The following OGDHL variants were observed in gnomAD, a reference collection of about 807,000 sequenced individuals.
OGDHL encodes oxoglutarate dehydrogenase L, also known as 2-oxoglutarate dehydrogenase-like, mitochondrial.
OGDHL carries 79 observed loss-of-function variants against 109.6 expected under a neutral mutation model. That is an observed-to-expected ratio of 0.72 (90% CI 0.60 to 0.87). The LOEUF (loss-of-function observed/expected upper bound fraction) is 0.87. Ranked by LOEUF, OGDHL falls within the 40% of genes least tolerant of loss-of-function variation. The pLI, the probability that OGDHL is intolerant of heterozygous loss-of-function variation, is 0.00. For synonymous variants in OGDHL, 528 were observed against 537.2 expected, an observed-to-expected ratio of 0.98 and a Z score of 0.24; for missense variants, 1,275 against 1,362.2, an observed-to-expected ratio of 0.94 and a Z score of 1.01.
At position 49,751,827 on chromosome 10, in the gene OGDHL, C is replaced by T; in HGVS notation, c.749G>A (p.Arg250Lys). The change falls in exon 6 of 23, where the codon AGG becomes AAG. Residue 250 changes from arginine to lysine, a missense_variant and splice_region_variant. By Grantham distance (26) the Arg-to-Lys change is conservative. Coordinates refer to ENST00000374103, the MANE Select transcript of OGDHL (RefSeq NM_018245.3). ...TLLARLVRSMRFEDFLARKWS... is the reference protein window; with the variant it reads ...TLLARLVRSMKFEDFLARKWS... ...ACTTGGCCCTCCAGGTGGTGCCAAC[C>T]TCATGGAGCGCACTAGCCGGGCCAG... 6.2e-7 allele frequency: 1 copy of T among 1,613,402 alleles called. No homozygotes were observed.
chr10:49,752,289 G>A (rs376257321), intron 4 of OGDHL, 41 bp from the exon 5 acceptor site: 5 of 1,483,664 alleles, frequency 3.4e-6, no homozygotes, highest in Non-Finnish European at 4.7e-6. Context: ...CAGCAAAGTG[G>A]AGGGAGGGAG....
At chr10:49,755,456 G>A (rs945498427) in intron 3 of OGDHL, among the ~76,000 whole-genome samples, 2 of 152,214 alleles carry the variant, frequency 1.3e-5, no homozygotes, top group African/African-American at 4.8e-5. Flanking sequence ...GGGGGCTAAG[G>A]GGGAAATTGA....
At chr10:49,762,100 TC>T in intron 1 of OGDHL, 138 bp downstream of exon 1, 3 of 152,812 alleles carry the variant, frequency 2.0e-5, no homozygotes, top group Non-Finnish European at 4.3e-5. Context: ...CTCCTCCCCC[TC>T]CCCCCGGCGG....
chr10:49,739,970 G>T, intron 16 of OGDHL, 131 bp from the exon 17 acceptor site: 1 of 854,098 alleles, frequency 1.2e-6, no homozygotes, highest in Non-Finnish European at 1.8e-6. Context: ...ACGAACCCAG[G>T]GATTCCCTGG....
intron 15 of OGDHL, among the ~76,000 whole-genome samples, 182 bp from the exon 16 acceptor site, chr10:49,741,019 T>C (rs1841615409): frequency 6.6e-6 from 1 of 152,104 alleles, no homozygotes; most frequent in Non-Finnish European, 1.5e-5. Context: ...TGGTCCCTCC[T>C]GCAGCCTGTC....
chr10:49,757,011 G>A, intron 2 of OGDHL, 65 bp from the exon 3 acceptor site: 1 of 1,538,834 alleles, frequency 6.5e-7, no homozygotes, highest in Non-Finnish European at 8.8e-7. Context: ...GGTGGCCCAG[G>A]CTGGGGCCCC....
chr10:49,738,523 T>C (rs1314665096), intron 17 of OGDHL: 2 of 522,682 alleles, frequency 3.8e-6, no homozygotes, highest in African/African-American at 3.8e-5. Context: ...CACTGAGACG[T>C]GCTTTCTCTG....
At chr10:49,752,611 C>T (rs768713758) in intron 4 of OGDHL, 27 bp downstream of exon 4, 13 of 1,596,540 alleles carry the variant, frequency 8.1e-6, no homozygotes, top group Non-Finnish European at 6.0e-6. Context: ...ACAGCACTGC[C>T]ATGGCCGTCC....
At chr10:49,759,249 G>T (rs1241836588) in intron 1 of OGDHL, among the ~76,000 whole-genome samples, 1 of 151,940 alleles carries the variant, frequency 6.6e-6, no homozygotes, top group African/African-American at 2.4e-5. Flanking sequence ...GGTGACACTA[G>T]GCCCAACAAT....
intron 21 of OGDHL, 56 bp from the exon 22 acceptor site, chr10:49,736,233 AC>A: frequency 6.4e-7 from 1 of 1,566,122 alleles, no homozygotes; most frequent in Non-Finnish European, 8.7e-7. Flanking sequence ...TGTCCCCAGC[AC>A]CCCCGGACAG....
intron 20 of OGDHL, among the ~76,000 whole-genome samples, chr10:49,736,792 C>T (rs1382164843): frequency 2.6e-5 from 4 of 152,128 alleles, no homozygotes. Flanking sequence ...CAATAAGAAG[C>T]GCCCTGAAGG....
At chr10:49,762,055 C>A (rs531683051) in intron 1 of OGDHL, among the ~76,000 whole-genome samples, 184 bp downstream of exon 1, 66 of 152,282 alleles carry the variant, frequency 4.3e-4, no homozygotes, top group African/African-American at 1.5e-3. Context: ...GAGGCCACGG[C>A]CAGCCAAGGT....
intron 8 of OGDHL, among the ~76,000 whole-genome samples, chr10:49,748,030 G>T (rs1054026079): frequency 6.8e-6 from 1 of 148,134 alleles, no homozygotes; most frequent in Non-Finnish European, 1.5e-5. Context: ...GAGGAAGTGG[G>T]GTGGGGGCTC....
At chr10:49,739,127 A>G (rs1298984295) in intron 17 of OGDHL, 1 of 152,966 alleles carries the variant, frequency 6.5e-6, no homozygotes, top group Non-Finnish European at 1.5e-5. Context: ...AGATGGTATC[A>G]CATGACACCC....
intron 15 of OGDHL, among the ~76,000 whole-genome samples, chr10:49,742,429 A>C: frequency 6.8e-6 from 1 of 146,370 alleles, no homozygotes. Flanking sequence ...CATACACACC[A>C]CACATACAAC....
At chr10:49,757,011 G>C (rs1278092257) in intron 2 of OGDHL, 65 bp from the exon 3 acceptor site, 1 of 1,538,714 alleles carries the variant, frequency 6.5e-7, no homozygotes. Flanking sequence ...GGTGGCCCAG[G>C]CTGGGGCCCC....
intron 22 of OGDHL, 121 bp downstream of exon 22, chr10:49,735,902 T>A (rs1315138876): frequency 9.0e-7 from 1 of 1,111,856 alleles, no homozygotes; most frequent in Non-Finnish European, 1.2e-6. Context: ...TGATGCCCCA[T>A]CATTGCTCAT....
chr10:49,757,627 G>A (rs750907568), intron 2 of OGDHL, among the ~76,000 whole-genome samples: 1 of 152,198 alleles, frequency 6.6e-6, no homozygotes, highest in Non-Finnish European at 1.5e-5. Context: ...CCATCAGCAG[G>A]AATAGGGGTG....
rs770163528 is a variant in OGDHL at position 49,745,924 on chromosome 10, G to A, written c.1350C>T (p.Asp450=). The part of the protein sequence containing the change: ...RMARSSPYPT[D]VARVVNAPIF... Reference sequence around the variant, plus strand: ...TAGGCGCATTGACCACCCGGGCCACGTCGGTCGGGTATGGTGAGGAGCGGG... The same window carrying A: ...TAGGCGCATTGACCACCCGGGCCACATCGGTCGGGTATGGTGAGGAGCGGG... The change falls in exon 11 of 23, where the codon GAC becomes GAT. Residue 450 remains aspartate (D), a synonymous_variant. Coordinates refer to ENST00000374103, the MANE Select transcript of OGDHL (RefSeq NM_018245.3). 57 of 1,614,116 alleles carry A rather than the reference G, an allele frequency of 3.5e-5. No individual in the cohort carries two copies. Among genetic ancestry groups the A allele is most frequent in the Middle Eastern group, 1.6e-4 (1 of 6,084 alleles).
Sources: gnomAD v4.1 joint callset for allele counts (sites outside exome capture counted in the v4.1 genomes callset) on GRCh38, gnomAD v4.1.1 for gene constraint, MANE v1.5 for transcripts, NCBI Gene and HGNC (gene_info 2026-07-23, HGNC 2026-07-21) for gene names.